Variants in CACNA1C observed in about 807,000 individuals in gnomAD.
CACNA1C encodes voltage-dependent L-type calcium channel subunit alpha-1C.
A neutral mutation model predicts 229.0 loss-of-function variants in CACNA1C; 30 were observed. The observed-to-expected ratio is 0.13, with a 90% CI of 0.10 to 0.18. The LOEUF (loss-of-function observed/expected upper bound fraction) is 0.18, where lower values mean the gene tolerates loss of function less well. CACNA1C is among the 10% of genes least tolerant of loss of function. The pLI is 1.00. For missense variants in CACNA1C, 1,658 were observed against 2,845.0 expected (o/e 0.58, Z 9.49); for synonymous variants, 1,114 against 1,132.5 (o/e 0.98, Z 0.33).
At chr12:2,233,668 T>C (rs1407626159) in intron 3 of CACNA1C, among the ~76,000 whole-genome samples, 3 of 152,206 alleles carry the variant, frequency 2.0e-5, no homozygotes, top group South Asian at 4.1e-4. Context: ...GATACATAGA[T>C]GGTTGACTTC....
At chr12:2,175,041 G>T (rs57316320) in intron 3 of CACNA1C, among the ~76,000 whole-genome samples, 32 of 152,234 alleles carry the variant, frequency 2.1e-4, no homozygotes, top group African/African-American at 7.7e-4. Flanking sequence ...AGTGACCCAC[G>T]CTGTTCAAAC....
chr12:2,638,171 C>A (rs896558888), intron 30 of CACNA1C, among the ~76,000 whole-genome samples: 1 of 152,142 alleles, frequency 6.6e-6, no homozygotes, highest in African/African-American at 2.4e-5. Context: ...GGAACTCATA[C>A]GGTGTGTTAG....
chr12:2,286,150 C>A (rs1031036627), intron 3 of CACNA1C, among the ~76,000 whole-genome samples: 1 of 152,170 alleles, frequency 6.6e-6, no homozygotes, highest in Non-Finnish European at 1.5e-5. Flanking sequence ...TATACCTGGC[C>A]GGTTCTGTTT....
intron 3 of CACNA1C, among the ~76,000 whole-genome samples, chr12:2,446,968 G>A (rs2099301043): frequency 6.6e-6 from 1 of 152,276 alleles, no homozygotes; most frequent in East Asian, 1.9e-4. Flanking sequence ...CAACTTGTGT[G>A]TTTCCCTTTC....
intron 7 of CACNA1C, among the ~76,000 whole-genome samples, chr12:2,494,074 T>C (rs1161458187): frequency 6.6e-6 from 1 of 152,132 alleles, no homozygotes; most frequent in Non-Finnish European, 1.5e-5. Context: ...GCAGGTTTGC[T>C]GCATAGGTAT....
intron 16 of CACNA1C, among the ~76,000 whole-genome samples, chr12:2,584,945 T>G (rs1201474980): frequency 6.6e-6 from 1 of 152,130 alleles, no homozygotes. Context: ...CAGCTCCAGC[T>G]TACAGAGGGA....
At chr12:2,230,475 TA>T (rs1209633594) in intron 3 of CACNA1C, among the ~76,000 whole-genome samples, 7 of 152,206 alleles carry the variant, frequency 4.6e-5, no homozygotes, top group East Asian at 3.9e-4. Flanking sequence ...ACTGAGAACT[TA>T]AAAGCTGAGG....
At chr12:2,088,768 G>C (rs796523961) in intron 1 of CACNA1C, among the ~76,000 whole-genome samples, 16 of 152,176 alleles carry the variant, frequency 1.1e-4, no homozygotes, top group African/African-American at 3.6e-4. Flanking sequence ...CTGTCCTCGG[G>C]TGGGCTCAGC....
chr12:2,135,207 T>A (rs2093144839), intron 3 of CACNA1C, among the ~76,000 whole-genome samples: 1 of 144,822 alleles, frequency 6.9e-6, no homozygotes, highest in Non-Finnish European at 1.5e-5. Flanking sequence ...TATACATTCT[T>A]CTAAATTTTT....
chr12:2,035,360 C>T (rs2048945955), intron 1 of CACNA1C, among the ~76,000 whole-genome samples: 1 of 152,250 alleles, frequency 6.6e-6, no homozygotes, highest in Non-Finnish European at 1.5e-5. Flanking sequence ...GGCTCTGTTT[C>T]TTGGAGCCCC....
intron 3 of CACNA1C, among the ~76,000 whole-genome samples, chr12:2,352,121 C>A (rs2097218167): frequency 6.6e-6 from 1 of 152,200 alleles, no homozygotes; most frequent in African/African-American, 2.4e-5. Context: ...TGTTCTGTAG[C>A]AGCTTGGTGT....
intron 3 of CACNA1C, among the ~76,000 whole-genome samples, chr12:2,311,758 C>G (rs2095449240): frequency 6.6e-6 from 1 of 152,212 alleles, no homozygotes; most frequent in Non-Finnish European, 1.5e-5. Flanking sequence ...CCTGATAAAA[C>G]TAGAAACAGC....
At chr12:2,088,968 G>A (rs1011556177) in intron 1 of CACNA1C, among the ~76,000 whole-genome samples, 6 of 152,142 alleles carry the variant, frequency 3.9e-5, no homozygotes, top group African/African-American at 1.2e-4. Context: ...GCGGAGGGAG[G>A]GCTGTGCGCG....
intron 1 of CACNA1C, among the ~76,000 whole-genome samples, chr12:2,021,669 A>C (rs1217924200): frequency 6.6e-6 from 1 of 151,918 alleles, no homozygotes; most frequent in Non-Finnish European, 1.5e-5. Context: ...AACAAGAGAG[A>C]AACTCCATCT....
intron 3 of CACNA1C, among the ~76,000 whole-genome samples, chr12:2,258,522 G>A (rs185099608): frequency 7.9e-5 from 12 of 152,056 alleles, no homozygotes; most frequent in Non-Finnish European, 2.9e-5. Flanking sequence ...TTTGGAGGAC[G>A]GTGTTATCTT....
chr12:2,078,479 C>T (rs2064088714), intron 1 of CACNA1C, among the ~76,000 whole-genome samples: 1 of 152,094 alleles, frequency 6.6e-6, no homozygotes, highest in Non-Finnish European at 1.5e-5. Flanking sequence ...ATAAGCTGGT[C>T]ACAGAAGGAT....
intron 1 of CACNA1C, among the ~76,000 whole-genome samples, chr12:2,112,967 G>C (rs755678628): frequency 3.3e-5 from 5 of 151,840 alleles, no homozygotes; most frequent in Admixed American, 6.5e-5. Context: ...ATATTAGCTC[G>C]TTTTTCGGTT....
At chr12:2,614,367 A>AG (rs2079363893) in intron 29 of CACNA1C, 1 of 152,250 alleles carries the variant, frequency 6.6e-6, no homozygotes, top group Non-Finnish European at 1.5e-5. Flanking sequence ...ATTTCCCTAA[A>AG]GGGGCTCTGG....
At chr12:2,499,623 A>C (rs1183661229) in intron 7 of CACNA1C, among the ~76,000 whole-genome samples, 1 of 152,182 alleles carries the variant, frequency 6.6e-6, no homozygotes, top group Non-Finnish European at 1.5e-5. Context: ...CTTTGTAGTG[A>C]GGCTGTTTCA....
Sources: gnomAD v4.1 joint callset for allele counts (sites outside exome capture counted in the v4.1 genomes callset) on GRCh38, gnomAD v4.1.1 for gene constraint, MANE v1.5 for transcripts, NCBI Gene and HGNC (gene_info 2026-07-23, HGNC 2026-07-21) for gene names.